The following VPS53 variants were observed in gnomAD, a reference collection of about 807,000 sequenced individuals.
The protein encoded by VPS53 is vacuolar protein sorting-associated protein 53 homolog.
A neutral mutation model predicts 107.0 loss-of-function variants in VPS53; 70 were observed. That is an observed-to-expected ratio of 0.65 (90% CI 0.54 to 0.80). The LOEUF is 0.80. VPS53 is among the 30% of genes least tolerant of loss of function. The pLI is 0.00. For missense variants in VPS53, 917 were observed against 1,049.4 expected (o/e 0.87, Z 1.74); for synonymous variants, 409 against 393.3 (o/e 1.04, Z -0.47).
At chr17:593,014 A>C (rs1967752441) in intron 12 of VPS53, among the ~76,000 whole-genome samples, 1 of 152,166 alleles carries the variant, frequency 6.6e-6, no homozygotes, top group Non-Finnish European at 1.5e-5. Flanking sequence ...GCATATCTAC[A>C]ACTATCTGAT....
At chr17:700,862 C>T (rs1378470945) in intron 2 of VPS53, among the ~76,000 whole-genome samples, 1 of 152,174 alleles carries the variant, frequency 6.6e-6, no homozygotes, top group African/African-American at 2.4e-5. Context: ...CTTCTGGCTA[C>T]CTCTGATGGG....
At chr17:657,460 G>T in intron 5 of VPS53, 1 of 1,237,150 alleles carries the variant, frequency 8.1e-7, no homozygotes, top group Non-Finnish European at 1.2e-6. Flanking sequence ...GTGGACGGAC[G>T]AGGAGCAAAC....
chr17:655,769 G>A (rs1477153979), intron 6 of VPS53, 69 bp downstream of exon 6: 7 of 1,405,068 alleles, frequency 5.0e-6, no homozygotes, highest in Admixed American at 2.1e-5. Context: ...AAGTAAATAG[G>A]CGACAACACC....
chr17:585,747 T>G (rs1293367975), intron 13 of VPS53, among the ~76,000 whole-genome samples: 8 of 152,308 alleles, frequency 5.3e-5, no homozygotes, highest in Non-Finnish European at 1.2e-4. Flanking sequence ...TATTGGGTCC[T>G]GGACCAGAAA....
At chr17:626,011 C>T (rs933727076) in intron 10 of VPS53, among the ~76,000 whole-genome samples, 8 of 151,786 alleles carry the variant, frequency 5.3e-5, no homozygotes, top group Non-Finnish European at 1.0e-4. Context: ...AAGACCAGCC[C>T]GAACAACACA....
intron 11 of VPS53, among the ~76,000 whole-genome samples, chr17:612,937 AGT>A (rs1418117880): frequency 1.3e-5 from 2 of 151,382 alleles, no homozygotes; most frequent in African/African-American, 4.9e-5. Context: ...TATTCACAGC[AGT>A]ATTCAAATAG....
intron 7 of VPS53, among the ~76,000 whole-genome samples, chr17:645,191 C>A (rs116925116): frequency 0.016 from 2,365 of 152,318 alleles, 24 homozygotes; most frequent in Middle Eastern, 0.031. Flanking sequence ...ACAAGTGGGA[C>A]TACATCAACC....
chr17:604,355 G>A (rs1272290152), intron 11 of VPS53, among the ~76,000 whole-genome samples: 1 of 152,032 alleles, frequency 6.6e-6, no homozygotes, highest in African/African-American at 2.4e-5. Flanking sequence ...GCCTACTCTC[G>A]CTGGCGTAAA....
intron 11 of VPS53, chr17:616,498 T>C (rs1969140197): frequency 6.6e-6 from 1 of 152,322 alleles, no homozygotes; most frequent in East Asian, 1.9e-4. Flanking sequence ...GGAAAAAGGC[T>C]CAAGTGTTCC....
chr17:673,133 AC>A (rs1972031890), intron 4 of VPS53, among the ~76,000 whole-genome samples: 1 of 150,940 alleles, frequency 6.6e-6, no homozygotes, highest in Non-Finnish European at 1.5e-5. Context: ...AAAAACAAAA[AC>A]AAAAAAAAAA....
intron 7 of VPS53, among the ~76,000 whole-genome samples, chr17:650,073 C>A (rs1162668701): frequency 6.6e-6 from 1 of 152,094 alleles, no homozygotes; most frequent in African/African-American, 2.4e-5. Flanking sequence ...TCTAGAAGAT[C>A]CAACGTTCAC....
At chr17:647,251 G>A (rs1970748610) in intron 7 of VPS53, among the ~76,000 whole-genome samples, 1 of 152,122 alleles carries the variant, frequency 6.6e-6, no homozygotes, top group Non-Finnish European at 1.5e-5. Context: ...CCTCTTCTGA[G>A]ATCCTGCTAT....
intron 4 of VPS53, among the ~76,000 whole-genome samples, 169 bp downstream of exon 4, chr17:697,249 C>A (rs147395695): frequency 2.2e-3 from 335 of 152,314 alleles, no homozygotes; most frequent in African/African-American, 7.7e-3. Context: ...CCAAGGGACA[C>A]TGAGGGACAG....
intron 8 of VPS53, among the ~76,000 whole-genome samples, chr17:631,014 A>G (rs926069358): frequency 2.0e-5 from 3 of 152,184 alleles, no homozygotes; most frequent in African/African-American, 4.8e-5. Flanking sequence ...AACAGCTCCC[A>G]AGTGAAATGC....
intron 19 of VPS53, among the ~76,000 whole-genome samples, chr17:529,878 A>AAG (rs1276763321): frequency 6.6e-6 from 1 of 151,738 alleles, no homozygotes; most frequent in East Asian, 1.9e-4. Context: ...CCAAAAAAAA[A>AAG]AAAAAAGAGC....
intron 11 of VPS53, among the ~76,000 whole-genome samples, chr17:609,963 T>C (rs1968773324): frequency 6.6e-6 from 1 of 151,586 alleles, no homozygotes. Flanking sequence ...CCGTCTCTAC[T>C]AAAAATATAA....
At chr17:671,074 T>A (rs990093887) in intron 4 of VPS53, among the ~76,000 whole-genome samples, 15 of 151,892 alleles carry the variant, frequency 9.9e-5, no homozygotes, top group African/African-American at 3.6e-4. Flanking sequence ...CTTCTAAAAA[T>A]ACAAAAACTA....
chr17:548,220 A>G (rs1911406609), intron 17 of VPS53, among the ~76,000 whole-genome samples: 1 of 152,256 alleles, frequency 6.6e-6, no homozygotes, highest in African/African-American at 2.4e-5. Flanking sequence ...TATGCCAACC[A>G]AGGAAGAGGC....
chr17:537,880 G>A (rs527766704), intron 17 of VPS53: 1 of 152,162 alleles, frequency 6.6e-6, no homozygotes, highest in East Asian at 1.9e-4. Flanking sequence ...TAAAACCTTT[G>A]GGATTATGTC....
Sources: gnomAD v4.1 joint callset for allele counts (sites outside exome capture counted in the v4.1 genomes callset) on GRCh38, gnomAD v4.1.1 for gene constraint, MANE v1.5 for transcripts, NCBI Gene and HGNC (gene_info 2026-07-23, HGNC 2026-07-21) for gene names.